The following PTPRG variants were observed in gnomAD, a reference collection of about 807,000 sequenced individuals.
The protein encoded by PTPRG is protein tyrosine phosphatase receptor type G.
In PTPRG, 102 loss-of-function variants were observed where a neutral mutation model predicts 165.3. That is an observed-to-expected ratio of 0.62 (90% CI 0.53 to 0.73). The LOEUF (loss-of-function observed/expected upper bound fraction) is 0.73. Among genes scored for constraint, PTPRG ranks in the 30% least tolerant of loss-of-function variants. The pLI, the probability that PTPRG is intolerant of heterozygous loss-of-function variation, is 0.00. For synonymous variants in PTPRG, 675 were observed against 669.5 expected (o/e 1.01, Z -0.13); for missense variants, 1,866 against 1,861.4 (o/e 1.00, Z -0.05).
At chr3:61,853,297 G>A (rs1241387014) in intron 2 of PTPRG, among the ~76,000 whole-genome samples, 1 of 152,196 alleles carries the variant, frequency 6.6e-6, no homozygotes, top group Non-Finnish European at 1.5e-5. Context: ...GTTAAACAAA[G>A]AGAGCTGGTT....
intron 4 of PTPRG, among the ~76,000 whole-genome samples, chr3:62,036,782 A>G (rs988269777): frequency 1.3e-5 from 2 of 152,196 alleles, no homozygotes; most frequent in African/African-American, 2.4e-5. Flanking sequence ...AAAACAAGCT[A>G]GAAGACAAAT....
intron 5 of PTPRG, among the ~76,000 whole-genome samples, chr3:62,103,362 G>T (rs1454069131): frequency 1.3e-5 from 2 of 151,236 alleles, no homozygotes; most frequent in Non-Finnish European, 2.9e-5. Context: ...TGCTAAGCAG[G>T]GTTTTGCCTT....
intron 2 of PTPRG, among the ~76,000 whole-genome samples, chr3:61,977,730 T>TA (rs981712422): frequency 2.4e-4 from 36 of 152,302 alleles, no homozygotes; most frequent in African/African-American, 7.9e-4. Context: ...TAATAAGTAG[T>TA]AAAAAATTGC....
intron 6 of PTPRG, among the ~76,000 whole-genome samples, chr3:62,132,956 G>A (rs74649851): frequency 0.052 from 7,925 of 152,230 alleles, 226 homozygotes; most frequent in South Asian, 0.077. Context: ...TGTTGAACTT[G>A]CCATTTGTTT....
At position 61,974,645 on chromosome 3, in the gene PTPRG, C is replaced by G. The variant is rs191738323; in HGVS notation, c.191-14980C>G. Among the ~76,000 whole-genome samples the G allele has an allele frequency of 1.9e-3, 286 of 152,324 alleles. 1 individual carries two copies. The highest frequency in any genetic ancestry group is 3.0e-3 in the Non-Finnish European group (203 of 68,024). On this transcript the variant is annotated intron_variant, in intron 2 of 29. Coordinates refer to ENST00000474889, the MANE Select transcript of PTPRG (RefSeq NM_002841.4). The stretch of plus-strand genomic sequence containing the variant: ...TAGGCAACAAAAGCAATTGCTTACT[C>G]ACTTAATTTCCTTTTATCCACCTAC...
intron 28 of PTPRG, among the ~76,000 whole-genome samples, chr3:62,289,923 A>T (rs1702818955): frequency 6.6e-6 from 1 of 152,132 alleles, no homozygotes; most frequent in Non-Finnish European, 1.5e-5. Flanking sequence ...AGCGTAAAAG[A>T]TAAAAAGAGG....
rs781622967 is a variant in PTPRG, at chr3:62,255,179, T to C, written c.2523T>C (p.Tyr841=). Reference sequence around the variant, plus strand: ...TTGTCAAACACATCGGTGAGCTCTATTCTAATAACCAGCATGGGTTCTCTG... The same window carrying C: ...TTGTCAAACACATCGGTGAGCTCTACTCTAATAACCAGCATGGGTTCTCTG... The part of the protein sequence containing the change: ...KQFVKHIGEL[Y]SNNQHGFSED... Residue 841 remains tyrosine, a synonymous_variant, in exon 16 of 30, where the codon TAT becomes TAC. Coordinates refer to ENST00000474889, the MANE Select transcript of PTPRG (RefSeq NM_002841.4). The surrounding 1 kb of genome is among the most constrained non-coding windows in gnomAD (Gnocchi z 4.0). The C allele has an allele frequency of 6.8e-6, 11 of 1,613,324 alleles. No individual in the cohort carries two copies. The highest frequency in any genetic ancestry group is 1.3e-5 in the African/African-American group (1 of 74,892).
At chr3:61,800,164 C>T (rs1163136775) in intron 2 of PTPRG, among the ~76,000 whole-genome samples, 2 of 152,028 alleles carry the variant, frequency 1.3e-5, no homozygotes, top group Non-Finnish European at 2.9e-5. Flanking sequence ...TCCATCAGCT[C>T]GTTGTGGGGT....
chr3:61,752,776 A>G (rs2033481766), intron 2 of PTPRG, among the ~76,000 whole-genome samples: 1 of 123,286 alleles, frequency 8.1e-6, no homozygotes, highest in African/African-American at 3.3e-5. Flanking sequence ...TGATAGAGCA[A>G]GACTGTCTCA....
intron 15 of PTPRG, among the ~76,000 whole-genome samples, chr3:62,244,472 C>T (rs961158445): frequency 6.6e-6 from 1 of 152,172 alleles, no homozygotes; most frequent in African/African-American, 2.4e-5. Flanking sequence ...ATTTGAAGAT[C>T]TCACCCACCA....
chr3:61,696,434 G>A (rs970380001), intron 1 of PTPRG, among the ~76,000 whole-genome samples: 13 of 152,106 alleles, frequency 8.5e-5, no homozygotes, highest in Admixed American at 3.9e-4. Context: ...CCCAGGAGGC[G>A]AAGGTTGCAT....
chr3:61,884,766 C>G (rs944492242), intron 2 of PTPRG, among the ~76,000 whole-genome samples: 2 of 152,172 alleles, frequency 1.3e-5, no homozygotes, highest in Non-Finnish European at 2.9e-5. Context: ...AGGGCCTCGT[C>G]TCTTCTTGAT....
intron 2 of PTPRG, among the ~76,000 whole-genome samples, chr3:61,850,453 G>GC (rs1371833058): frequency 6.6e-6 from 1 of 152,182 alleles, no homozygotes; most frequent in Non-Finnish European, 1.5e-5. Flanking sequence ...GAGCCGCTGT[G>GC]CCCAATCCTT....
In PTPRG at chr3:62,293,228, C is replaced by G; in HGVS notation, c.4259C>G (p.Pro1420Arg). Reference protein sequence around the residue: ...LVSTKENGNGPMTVDKNGAVL... With the variant: ...LVSTKENGNGRMTVDKNGAVL... ...AGCACTAAAGAAAATGGAAATGGTC[C>G]CATGACAGTAGACAAAAATGGTGCT... The change falls in exon 30 of 30, where the codon CCC becomes CGC. Residue 1420 changes from proline to arginine, a missense_variant. Pro to Arg is a moderately radical substitution (Grantham distance 103). This residue lies in a region of PTPRG where 1,452 missense variants were observed against 1,463.0 expected (regional missense o/e 0.99). Coordinates refer to ENST00000474889, the MANE Select transcript of PTPRG (RefSeq NM_002841.4). 1 of 1,611,482 alleles carries G rather than the reference C, an allele frequency of 6.2e-7. No individual in the cohort carries two copies.
At chr3:61,674,632 G>T (rs139673143) in intron 1 of PTPRG, among the ~76,000 whole-genome samples, 11 of 151,668 alleles carry the variant, frequency 7.3e-5, no homozygotes, top group Admixed American at 2.6e-4. Context: ...GCAGATGTTT[G>T]TTGAGCAGCT....
At chr3:61,876,050 G>T (rs1480136065) in intron 2 of PTPRG, among the ~76,000 whole-genome samples, 1 of 152,196 alleles carries the variant, frequency 6.6e-6, no homozygotes, top group Non-Finnish European at 1.5e-5. Flanking sequence ...CAAGATTTGA[G>T]CATTTGGTAG....
At chr3:61,826,210 T>A (rs897553048) in intron 2 of PTPRG, among the ~76,000 whole-genome samples, 1 of 152,200 alleles carries the variant, frequency 6.6e-6, no homozygotes, top group African/African-American at 2.4e-5. Flanking sequence ...TCGTGGAAAT[T>A]TGATCTGTAT....
chr3:61,908,121 TAAAAAAAAAAA>T lies in PTPRG; in HGVS notation c.191-81486_191-81476del, dbSNP rs1183592777. Among the ~76,000 whole-genome samples, 8 of 67,184 alleles carry T rather than the reference TAAAAAAAAAAA, an allele frequency of 1.2e-4. No homozygotes were observed. The South Asian group carries it at 5.5e-3, about 46-fold the overall frequency. The allele number at this position is 67,184 out of a possible 152,430, so 44.1% of individuals were successfully genotyped here. On this transcript the variant is annotated intron_variant, in intron 2 of 29. Coordinates refer to ENST00000474889, the MANE Select transcript of PTPRG (RefSeq NM_002841.4). ...GCGACAGAACAAGACCACCTCTCTT[TAAAAAAAAAAA>T]AAAAAAAAAAAAAAAAATCGGCCGG...
intron 4 of PTPRG, among the ~76,000 whole-genome samples, chr3:62,056,164 A>T (rs1280275999): frequency 6.6e-6 from 1 of 152,244 alleles, no homozygotes; most frequent in Non-Finnish European, 1.5e-5. Flanking sequence ...GGATATGAAC[A>T]TCCCATCCAG....
Sources: allele counts gnomAD v4.1 joint callset (sites outside exome capture counted in the v4.1 genomes callset), GRCh38; gene constraint gnomAD v4.1.1; regional missense constraint gnomAD v4.1.1; non-coding constraint Gnocchi (gnomAD v3.1); transcripts MANE v1.5; gene names NCBI Gene and HGNC (gene_info 2026-07-23, HGNC 2026-07-21).